The following RPGRIP1L variants were observed in gnomAD, a reference collection of about 807,000 sequenced individuals.
RPGRIP1L encodes the protein protein fantom.
A neutral mutation model predicts 160.4 loss-of-function variants in RPGRIP1L; 131 were observed. The ratio of observed to expected loss-of-function variants is 0.82; its 90% CI spans 0.71 to 0.94. The LOEUF (loss-of-function observed/expected upper bound fraction) is 0.94, where lower values mean the gene tolerates loss of function less well. RPGRIP1L is among the 40% of genes least tolerant of loss of function. RPGRIP1L has a pLI of 0.00. For synonymous variants in RPGRIP1L, 510 were observed against 515.8 expected (o/e 0.99, Z 0.15); for missense variants, 1,522 against 1,535.8 (o/e 0.99, Z 0.15).
intron 6 of RPGRIP1L, among the ~76,000 whole-genome samples, chr16:53,679,102 G>GA (rs1490135469): frequency 2.0e-5 from 3 of 152,026 alleles, no homozygotes; most frequent in Non-Finnish European, 2.9e-5. Flanking sequence ...TTGCTCAAAG[G>GA]AAAAAAACTG....
At chr16:53,617,142 T>G (rs944287131) in intron 24 of RPGRIP1L, among the ~76,000 whole-genome samples, 2 of 139,210 alleles carry the variant, frequency 1.4e-5, no homozygotes, top group Non-Finnish European at 3.0e-5. Context: ...GAGGTAACCA[T>G]GTGAGAATGC....
chr16:53,696,138 T>C lies in RPGRIP1L; in HGVS notation c.230+13A>G. ...TGAGTCAAGAAAAAAAGCTAAAAGC[T>C]TTTTATCATAACCTTTTAATTTTAT... On this transcript the variant is annotated intron_variant, in intron 3 of 26. Coordinates refer to ENST00000647211, the MANE Select transcript of RPGRIP1L (RefSeq NM_015272.5). 1 of 1,613,178 alleles carries C rather than the reference T, an allele frequency of 6.2e-7. No homozygotes were observed. The highest frequency in any genetic ancestry group is 1.1e-5 in the South Asian group (1 of 90,994).
chr16:53,626,789 A>G (rs1272055342), intron 22 of RPGRIP1L, among the ~76,000 whole-genome samples: 7 of 142,378 alleles, frequency 4.9e-5, no homozygotes, highest in Non-Finnish European at 1.0e-4. Context: ...TGGGTGACAG[A>G]GTGAGACCCT....
chr16:53,601,756 C>A lies in RPGRIP1L; in HGVS notation c.*320G>T. 3.9e-6 allele frequency: 1 copy of A among 254,532 alleles called. No homozygotes were observed. The highest frequency in any genetic ancestry group is 7.7e-6 in the Non-Finnish European group (1 of 129,194). 15.8% of individuals were successfully genotyped at this position (254,532 alleles called of 1,614,324 possible). A position where few individuals can be genotyped will look rare whatever the true frequency, so the allele number is the denominator to read the frequency against. On this transcript the variant is annotated 3_prime_UTR_variant, in exon 27 of 27. Coordinates refer to ENST00000647211, the MANE Select transcript of RPGRIP1L (RefSeq NM_015272.5). The stretch of plus-strand genomic sequence containing the variant: ...TTATTAAAAATAAAAATGGGAATTG[C>A]ATTTCGGTTCTTCCTAAGAAAATGT...
At chr16:53,625,603 AG>A (rs1237810352) in intron 22 of RPGRIP1L, among the ~76,000 whole-genome samples, 1 of 150,502 alleles carries the variant, frequency 6.6e-6, no homozygotes, top group Non-Finnish European at 1.5e-5. Flanking sequence ...CTGGGAAGTG[AG>A]GAGCCCCTCT....
chr16:53,629,797 C>T (rs1965406786), intron 22 of RPGRIP1L, among the ~76,000 whole-genome samples: 1 of 152,022 alleles, frequency 6.6e-6, no homozygotes, highest in Admixed American at 6.6e-5. Context: ...ATATGGTATT[C>T]AACTGTGCCC....
chr16:53,680,006 C>T (rs1429035112), intron 6 of RPGRIP1L, among the ~76,000 whole-genome samples: 1 of 152,034 alleles, frequency 6.6e-6, no homozygotes, highest in East Asian at 1.9e-4. Flanking sequence ...TTAAATTCTT[C>T]CCACTCTTCT....
chr16:53,612,118 G>A (rs1052955380), intron 24 of RPGRIP1L, among the ~76,000 whole-genome samples: 9 of 151,924 alleles, frequency 5.9e-5, no homozygotes, highest in Non-Finnish European at 1.3e-4. Flanking sequence ...CAAAGGCACT[G>A]AGTAGGCACA....
At chr16:53,656,641 A>G (rs777479578) in intron 13 of RPGRIP1L, 52 bp from the exon 14 acceptor site, 1 of 1,260,980 alleles carries the variant, frequency 7.9e-7, no homozygotes, top group Non-Finnish European at 1.2e-6. Context: ...TTCTATTTTC[A>G]TTATTCAAAG....
At chr16:53,650,184 T>C (rs1966840376) in intron 15 of RPGRIP1L, among the ~76,000 whole-genome samples, 1 of 152,068 alleles carries the variant, frequency 6.6e-6, no homozygotes, top group South Asian at 2.1e-4. Flanking sequence ...CCACGAGGGA[T>C]CCACCCTCAT....
At chr16:53,680,251 A>C (rs1425129093) in intron 6 of RPGRIP1L, among the ~76,000 whole-genome samples, 4 of 152,160 alleles carry the variant, frequency 2.6e-5, no homozygotes, top group Non-Finnish European at 4.4e-5. Context: ...AACTGTTCAA[A>C]ATAACAGTCA....
chr16:53,691,106 T>C (rs750158655), intron 4 of RPGRIP1L, among the ~76,000 whole-genome samples: 8 of 151,720 alleles, frequency 5.3e-5, no homozygotes, highest in Admixed American at 5.2e-4. Flanking sequence ...ATAGTGGTTT[T>C]TCGTTTTTTT....
rs1253471713 is a variant in RPGRIP1L, at chr16:53,652,867, A to G, written c.1820T>C (p.Phe607Ser). 1 of 1,612,864 alleles carries G rather than the reference A, an allele frequency of 6.2e-7. No homozygotes were observed. The highest frequency in any genetic ancestry group is 1.3e-5 in the African/African-American group (1 of 74,902). The stretch of plus-strand genomic sequence containing the variant: ...GGTTACTTTGTTGATATGGATTTCA[A>G]ATAGATTTTCGCCTCGTTCTAAGTG... ...TIHLERGENL[F>S]EIHINKVTFS... Residue 607 changes from phenylalanine (F) to serine (S), a missense_variant, in exon 15 of 27, where the codon TTT becomes TCT. Transcript: ENST00000647211.
At chr16:53,617,248 G>A (rs1423987260) in intron 24 of RPGRIP1L, among the ~76,000 whole-genome samples, 2 of 151,898 alleles carry the variant, frequency 1.3e-5, no homozygotes, top group Non-Finnish European at 1.5e-5. Flanking sequence ...TCCTTGACAT[G>A]GCCAAGTTTC....
chr16:53,601,861 A>G lies in RPGRIP1L; in HGVS notation c.*215T>C. On this transcript the variant is annotated 3_prime_UTR_variant, in exon 27 of 27. Transcript: ENST00000647211. ...GGTACTGCCCATTATGGAGAACTTA[A>G]GTCCTGAGGGGTGGCAGTTATGAGA... 3 of 538,646 alleles carry G rather than the reference A, an allele frequency of 5.6e-6. No individual in the cohort carries two copies. Among genetic ancestry groups the G allele is most frequent in the Non-Finnish European group, 1.0e-5 (3 of 296,842 alleles). 33.4% of individuals were successfully genotyped at this position (538,646 alleles called of 1,614,324 possible).
At chr16:53,654,533 C>T (rs1967087716) in intron 14 of RPGRIP1L, among the ~76,000 whole-genome samples, 1 of 152,200 alleles carries the variant, frequency 6.6e-6, no homozygotes, top group Non-Finnish European at 1.5e-5. Context: ...GCATTCTCTC[C>T]TCAATGTTTC....
At position 53,696,186 on chromosome 16, in the gene RPGRIP1L, T is replaced by C. The variant is rs550006406; in HGVS notation, c.195A>G (p.Lys65=). The C allele has an allele frequency of 4.4e-5, 71 of 1,614,006 alleles. No individual in the cohort carries two copies. The highest frequency in any genetic ancestry group is 1.9e-4 in the South Asian group (17 of 91,076). ...LRLHDENILL[K]QHARKQEDKI... ...TATCCTCCTGCTTGCGGGCATGCTG[T>C]TTAAGTAAAATGTTCTCATCATGCA... The change falls in exon 3 of 27, where the codon AAA becomes AAG. Residue 65 remains lysine, a synonymous_variant. Transcript: ENST00000647211.
At chr16:53,638,958 C>CTTTT (rs1966023334) in intron 19 of RPGRIP1L, among the ~76,000 whole-genome samples, 3 of 151,448 alleles carry the variant, frequency 2.0e-5, no homozygotes, top group African/African-American at 7.3e-5. Flanking sequence ...GATTTGGGAA[C>CTTTT]ATTAACTTTT....
At position 53,652,825 on chromosome 16, in the gene RPGRIP1L, A is replaced by G. The variant is rs752260669; in HGVS notation, c.1862T>C (p.Leu621Ser). 1 of 1,613,790 alleles carries G rather than the reference A, an allele frequency of 6.2e-7. No homozygotes were observed. Among genetic ancestry groups the G allele is most frequent in the South Asian group, 1.1e-5 (1 of 90,944 alleles). Residue 621 changes from leucine (L) to serine (S), a missense_variant, in exon 15 of 27, where the codon TTA becomes TCA. Coordinates refer to ENST00000647211, the MANE Select transcript of RPGRIP1L (RefSeq NM_015272.5). ...INKVTFSSEV[L>S]QASGDKEPVT... The stretch of plus-strand genomic sequence containing the variant: ...AGGCTCTTTATCTCCAGATGCCTGT[A>G]AAACTTCAGAAGAAAAGGTTACTTT...
Sources: gnomAD v4.1 joint callset for allele counts (sites outside exome capture counted in the v4.1 genomes callset) on GRCh38, gnomAD v4.1.1 for gene constraint, MANE v1.5 for transcripts, NCBI Gene and HGNC (gene_info 2026-07-23, HGNC 2026-07-21) for gene names.